UROC1: variants seen among roughly 807,000 people sequenced by gnomAD.
UROC1 encodes urocanate hydratase 1, also known as urocanate hydratase.
Under a neutral mutation model 89.5 loss-of-function variants are expected in UROC1, and 79 were observed. The ratio of observed to expected loss-of-function variants is 0.88; its 90% CI spans 0.74 to 1.06. The LOEUF (loss-of-function observed/expected upper bound fraction) is 1.06, where lower values mean the gene tolerates loss of function less well. Among genes scored for constraint, UROC1 ranks in the 50% least tolerant of loss-of-function variants. The probability of loss-of-function intolerance (pLI) is 0.00; values close to 1 mark genes in which losing one functional copy is unlikely to be tolerated. For missense variants in UROC1, 885 were observed against 907.8 expected (o/e 0.97, Z 0.32); for synonymous variants, 361 against 354.8 (o/e 1.02, Z -0.20).
At chr3:126,492,326 G>A (rs1560117619) in intron 16 of UROC1, 92 bp downstream of exon 16, 1 of 1,243,640 alleles carries the variant, frequency 8.0e-7, no homozygotes, top group Non-Finnish European at 1.1e-6. Flanking sequence ...AGGCTGTGGG[G>A]TGCAGCCGAG....
chr3:126,490,750 C>T (rs527669892), intron 16 of UROC1, among the ~76,000 whole-genome samples: 7 of 152,114 alleles, frequency 4.6e-5, no homozygotes, highest in Admixed American at 3.3e-4. Context: ...GGAACCCTGA[C>T]TAAAGAGAAG....
At chr3:126,505,865 G>A (rs1206966237) in intron 7 of UROC1, 21 bp from the exon 8 acceptor site, 13 of 1,612,892 alleles carry the variant, frequency 8.1e-6, no homozygotes, top group Non-Finnish European at 1.0e-5. Context: ...AAGAGGTGGG[G>A]GCTCACTGCC....
intron 9 of UROC1, among the ~76,000 whole-genome samples, chr3:126,502,902 TTC>T (rs1481555647): frequency 6.6e-6 from 1 of 151,806 alleles, no homozygotes; most frequent in Non-Finnish European, 1.5e-5. Flanking sequence ...GTGTGCTGCA[TTC>T]TCTGTGTATG....
chr3:126,505,574 AG>A, intron 8 of UROC1, 126 bp downstream of exon 8: 1 of 1,424,718 alleles, frequency 7.0e-7, no homozygotes, highest in East Asian at 2.6e-5. Flanking sequence ...GGAGGAGGCA[AG>A]GGTGGCCTGG....
At chr3:126,505,562 G>T in intron 8 of UROC1, 139 bp downstream of exon 8, 2 of 1,374,590 alleles carry the variant, frequency 1.5e-6, no homozygotes, top group South Asian at 1.2e-5. Context: ...GTGGGGCTTC[G>T]TGGAGGAGGC....
rs764063994 is a variant in UROC1, at chr3:126,507,959, G to A, written c.540+8C>T. The A allele has an allele frequency of 1.2e-5, 19 of 1,613,790 alleles. 1 individual carries two copies. The highest frequency in any genetic ancestry group is 1.3e-5 in the African/African-American group (1 of 75,038). ...GGGCAGGTGCTGTGCCACCTGCTGGGGACCCACCATCCCATTGGTGATGAC... is the reference window on the plus strand; with the variant it reads ...GGGCAGGTGCTGTGCCACCTGCTGGAGACCCACCATCCCATTGGTGATGAC... On this transcript the variant is annotated splice_region_variant and intron_variant, in intron 5 of 19. Transcript: ENST00000290868.
intron 9 of UROC1, chr3:126,502,064 A>G (rs1277234694): frequency 9.0e-7 from 1 of 1,107,652 alleles, no homozygotes; most frequent in Non-Finnish European, 1.2e-6. Context: ...ATTTTGATGT[A>G]TGTGTATGTG....
chr3:126,491,980 C>G (rs1935663995), intron 16 of UROC1, among the ~76,000 whole-genome samples: 1 of 152,144 alleles, frequency 6.6e-6, no homozygotes, highest in African/African-American at 2.4e-5. Flanking sequence ...AGCAGGGTCC[C>G]CAGACACCTC....
chr3:126,517,226 T>G (rs1288782130), intron 1 of UROC1, among the ~76,000 whole-genome samples: 1 of 152,026 alleles, frequency 6.6e-6, no homozygotes, highest in Non-Finnish European at 1.5e-5. Flanking sequence ...CAAATGAAAA[T>G]AAGAGCTGAC....
chr3:126,499,891 G>C (rs942404053), intron 12 of UROC1, among the ~76,000 whole-genome samples, 166 bp downstream of exon 12: 1 of 152,132 alleles, frequency 6.6e-6, no homozygotes, highest in African/African-American at 2.4e-5. Context: ...CACCTGGCTG[G>C]GCCTCAGCAT....
chr3:126,497,516 G>A (rs962242121), intron 14 of UROC1, among the ~76,000 whole-genome samples: 8 of 152,214 alleles, frequency 5.3e-5, no homozygotes, highest in South Asian at 2.1e-4. Context: ...CCTGGCAGGC[G>A]TGGAAGGCTG....
At chr3:126,508,603 G>GC in intron 3 of UROC1, 128 bp from the exon 4 acceptor site, 1 of 725,340 alleles carries the variant, frequency 1.4e-6, no homozygotes, top group Non-Finnish European at 2.4e-6. Flanking sequence ...GAAGGGTGAG[G>GC]CCCAGGGACG....
chr3:126,508,024 T>A lies in UROC1; in HGVS notation c.483A>T (p.Pro161=), dbSNP rs1352256519. 1 of 1,613,920 alleles carries A rather than the reference T, an allele frequency of 6.2e-7. No individual in the cohort carries two copies. Among genetic ancestry groups the A allele is most frequent in the Non-Finnish European group, 8.5e-7 (1 of 1,180,036 alleles). Residue 161 remains proline (P), a synonymous_variant, in exon 5 of 20, where the codon CCA becomes CCT. Transcript: ENST00000290868. ...TGCGGCTGCTGGGAAAGAGGCCAAG[T>A]GGGTGCCCACTGTACATGACCAAAG... ...EQTLVMYSGH[P]LGLFPSSRSA...
intron 1 of UROC1, among the ~76,000 whole-genome samples, chr3:126,514,274 C>A (rs1175126428): frequency 6.6e-6 from 1 of 152,200 alleles, no homozygotes; most frequent in Admixed American, 6.5e-5. Flanking sequence ...GGGACACAGA[C>A]GCTGGCCATC....
Position 126,505,995 on chromosome 3 carries a change from C to A in UROC1, c.619G>T (p.Ala207Ser). 1.9e-6 allele frequency: 3 copies of A among 1,613,468 alleles called. No individual in the cohort carries two copies. Among genetic ancestry groups the A allele is most frequent in the Non-Finnish European group, 2.5e-6 (3 of 1,180,022 alleles). Residue 207 changes from alanine (A) to serine (S), a missense_variant, in exon 7 of 20, where the codon GCA becomes TCA. Physicochemically the swap from Ala to Ser is moderately conservative, Grantham distance 99. Transcript: ENST00000290868. ...GGACCGATGTAGCAGTAGCTACCTG[C>A]TGTCATCTGGCCGTACCTGACCACA... ...LGVTMYGQMT[A>S]GSYCYIGPQG...
At position 126,504,015 on chromosome 3, in the gene UROC1, G is replaced by A. The variant is rs1935997532; in HGVS notation, c.882C>T (p.Asp294=). ...GWLMEVTDSL[D]RCIQRLREAR... Reference sequence around the variant, plus strand: ...TGTACCTGAGCCTCTGGATGCAGCGGTCCAAGCTGTCAGTCACTTCCATCA... The same window carrying A: ...TGTACCTGAGCCTCTGGATGCAGCGATCCAAGCTGTCAGTCACTTCCATCA... The change falls in exon 9 of 20, where the codon GAC becomes GAT. Residue 294 remains aspartate (D), a synonymous_variant. Transcript: ENST00000290868. 3 of 1,614,026 alleles carry A rather than the reference G, an allele frequency of 1.9e-6. No individual in the cohort carries two copies. The highest frequency in any genetic ancestry group is 1.7e-5 in the Admixed American group (1 of 60,006).
intron 18 of UROC1, among the ~76,000 whole-genome samples, chr3:126,486,390 C>G (rs368901298): frequency 6.6e-6 from 1 of 152,260 alleles, no homozygotes; most frequent in Non-Finnish European, 1.5e-5. Flanking sequence ...TTGTCTTGAT[C>G]TCTTGCACTC....
chr3:126,513,673 A>C (rs1483462001), intron 1 of UROC1, among the ~76,000 whole-genome samples: 1 of 152,206 alleles, frequency 6.6e-6, no homozygotes, highest in East Asian at 1.9e-4. Context: ...GTGAGTGCCC[A>C]GCTGTCAAAA....
chr3:126,513,910 G>T (rs1232065860), intron 1 of UROC1, among the ~76,000 whole-genome samples: 1 of 152,090 alleles, frequency 6.6e-6, no homozygotes, highest in Non-Finnish European at 1.5e-5. Flanking sequence ...AGCCGGCTGG[G>T]TCTGGCTCTC....
Sources: allele counts gnomAD v4.1 joint callset (sites outside exome capture counted in the v4.1 genomes callset), GRCh38; gene constraint gnomAD v4.1.1; transcripts MANE v1.5; gene names NCBI Gene and HGNC (gene_info 2026-07-23, HGNC 2026-07-21).